MLPH: variants seen among roughly 807,000 people sequenced by gnomAD.
MLPH encodes exophilin-3.
Under a neutral mutation model 72.1 loss-of-function variants are expected in MLPH, and 51 were observed. That is an observed-to-expected ratio of 0.71 (90% CI 0.56 to 0.89). MLPH has a LOEUF of 0.89. MLPH is among the 40% of genes least tolerant of loss of function. MLPH has a pLI of 0.00. For synonymous variants in MLPH, 301 were observed against 310.1 expected (o/e 0.97, Z 0.31); for missense variants, 743 against 759.9 (o/e 0.98, Z 0.26).
At chr2:237,546,945 G>A (rs990166924) in intron 13 of MLPH, among the ~76,000 whole-genome samples, 2 of 152,204 alleles carry the variant, frequency 1.3e-5, no homozygotes, top group South Asian at 2.1e-4. Flanking sequence ...AAAGTGAGAC[G>A]GGAAAGGAAG....
intron 2 of MLPH, among the ~76,000 whole-genome samples, chr2:237,506,393 T>G (rs2106488143): frequency 6.6e-6 from 1 of 152,306 alleles, no homozygotes; most frequent in South Asian, 2.1e-4. Context: ...CAAGAACTCC[T>G]CAGACACCGA....
At chr2:237,509,763 C>A (rs914937862) in intron 2 of MLPH, among the ~76,000 whole-genome samples, 4 of 152,066 alleles carry the variant, frequency 2.6e-5, no homozygotes, top group Non-Finnish European at 4.4e-5. Context: ...GTGGCCTCCC[C>A]CTGCCTGGTG....
In MLPH at chr2:237,541,588, T is replaced by C. The variant is rs1444886851; in HGVS notation, c.1446+631T>C. On this transcript the variant is annotated intron_variant, in intron 11 of 15. Coordinates refer to ENST00000264605, the MANE Select transcript of MLPH (RefSeq NM_024101.7). This position sits in a 1 kb window ranked among gnomAD's most constrained non-coding sequence, Gnocchi z 5.1. ...TCACTCCCTAAGGACAAAGGGCACG[T>C]CCCCTAGAGCTGTTCAAGGGGAGCG... 3.3e-5 allele frequency among the ~76,000 whole-genome samples: 5 copies of C among 152,218 alleles called. No homozygotes were observed. The highest frequency in any genetic ancestry group is 7.3e-5 in the Non-Finnish European group (5 of 68,036).
Position 237,539,309 on chromosome 2 carries a change from TC to T in MLPH, c.1105-1036del, listed in dbSNP as rs532826191. On this transcript the variant is annotated intron_variant, in intron 9 of 15. Transcript: ENST00000264605. The stretch of plus-strand genomic sequence containing the variant: ...GCGAAGGTGGTGCAAGGCAGACCGA[TC>T]CCGGGGGCCTCGCGTAGGCAGAGCC... 1.5e-4 allele frequency among the ~76,000 whole-genome samples: 23 copies of T among 152,132 alleles called. No homozygotes were observed. In the South Asian group the frequency reaches 2.5e-3, roughly 16 times the overall value.
intron 8 of MLPH, among the ~76,000 whole-genome samples, chr2:237,530,914 T>C (rs915198485): frequency 4.6e-5 from 7 of 152,198 alleles, no homozygotes; most frequent in African/African-American, 7.2e-5. Flanking sequence ...CAGTCAAGCC[T>C]CCACCACCTG....
At position 237,552,284 on chromosome 2, in the gene MLPH, G is replaced by A. The variant is rs531800400; in HGVS notation, c.1676-53G>A. On this transcript the variant is annotated intron_variant, in intron 14 of 15. Transcript: ENST00000264605. The stretch of plus-strand genomic sequence containing the variant: ...TCTGAGGAGGCCAAGGCACTTGTTT[G>A]GGCTAAGTATGTGATTGATAAAGCA... 65 of 1,516,696 alleles carry A rather than the reference G, an allele frequency of 4.3e-5. No individual in the cohort carries two copies. The African/African-American group carries it at 8.8e-4, about 20-fold the overall frequency. 94.0% of individuals were successfully genotyped at this position (1,516,696 alleles called of 1,614,324 possible).
chr2:237,514,975 A>C (rs1373433604), intron 4 of MLPH, among the ~76,000 whole-genome samples: 3 of 152,194 alleles, frequency 2.0e-5, no homozygotes, highest in Non-Finnish European at 4.4e-5. Flanking sequence ...TGTGCTTGTC[A>C]CCTGATCTCA....
chr2:237,537,257 G>T (rs1006448208), intron 9 of MLPH, among the ~76,000 whole-genome samples: 4 of 152,234 alleles, frequency 2.6e-5, no homozygotes, highest in African/African-American at 9.6e-5. Context: ...GTGTATATGT[G>T]TGCATGTGTT....
rs1267231807 is a variant in MLPH at position 237,533,172 on chromosome 2, G to A, written c.1021-1392G>A. On this transcript the variant is annotated intron_variant, in intron 8 of 15. Transcript: ENST00000264605. ...CTAGTTTTGCAAACTGGAGCAAGGC[G>A]CCCACCCACGTTAGACTCTTCACCC... Among the ~76,000 whole-genome samples, 18 of 152,156 alleles carry A rather than the reference G, an allele frequency of 1.2e-4. No homozygotes were observed. In the South Asian group the frequency reaches 2.3e-3, roughly 19 times the overall value.
intron 14 of MLPH, 100 bp from the exon 15 acceptor site, chr2:237,552,237 A>AT (rs1205694719): frequency 1.7e-5 from 16 of 932,026 alleles, no homozygotes; most frequent in Non-Finnish European, 2.6e-5. Flanking sequence ...GGATATGTCC[A>AT]TTTTTTTCTA....
At chr2:237,525,379 G>T (rs372932685) in intron 6 of MLPH, among the ~76,000 whole-genome samples, 1 of 152,210 alleles carries the variant, frequency 6.6e-6, no homozygotes, top group Non-Finnish European at 1.5e-5. Context: ...ACAGACACAT[G>T]CAATAGGCAG....
chr2:237,549,480 T>G (rs865968388), intron 14 of MLPH, among the ~76,000 whole-genome samples: 7 of 152,322 alleles, frequency 4.6e-5, no homozygotes, highest in African/African-American at 1.4e-4. Flanking sequence ...AACTTGCTGC[T>G]TTAAGCGTGC....
rs544937172 is a variant in MLPH at position 237,509,489 on chromosome 2, G to A, written c.111-1085G>A. Among the ~76,000 whole-genome samples, 35 of 152,314 alleles carry A rather than the reference G, an allele frequency of 2.3e-4. No homozygotes were observed. In the South Asian group the frequency reaches 7.3e-3, roughly 32 times the overall value. On this transcript the variant is annotated intron_variant, in intron 2 of 15. Coordinates refer to ENST00000264605, the MANE Select transcript of MLPH (RefSeq NM_024101.7). ...AGAGCTGGCAAGGGTGGAAATGGAG[G>A]GAGTGAGGCCCTTCCCATCTGGCTC...
rs182364537 is a variant in MLPH, at chr2:237,507,945, G to A, written c.111-2629G>A. Among the ~76,000 whole-genome samples, 535 of 152,224 alleles carry A rather than the reference G, an allele frequency of 3.5e-3. 5 individuals are homozygous for A. Among genetic ancestry groups the A allele is most frequent in the African/African-American group, 0.012 (518 of 41,536 alleles). ...GAACAATTGCCCAATCCTTTTAATA[G>A]AAATATCTGTCACCTTCAACACGTG... On this transcript the variant is annotated intron_variant, in intron 2 of 15. Coordinates refer to ENST00000264605, the MANE Select transcript of MLPH (RefSeq NM_024101.7).
chr2:237,525,538 A>G, intron 6 of MLPH, 63 bp from the exon 7 acceptor site: 3 of 1,564,428 alleles, frequency 1.9e-6, no homozygotes, highest in Non-Finnish European at 1.8e-6. Flanking sequence ...AAAGACCCAC[A>G]TTCCAGGCAG....
intron 8 of MLPH, among the ~76,000 whole-genome samples, chr2:237,533,551 C>T (rs1329243603): frequency 2.0e-5 from 3 of 152,000 alleles, no homozygotes; most frequent in Non-Finnish European, 4.4e-5. Flanking sequence ...GAGCCACCAC[C>T]CCTGGCTAAT....
chr2:237,542,734 G>GGA (rs2080726830), intron 12 of MLPH, 75 bp downstream of exon 12: 2 of 928,500 alleles, frequency 2.2e-6, no homozygotes, highest in African/African-American at 2.9e-5. Context: ...AGTGGTGAGT[G>GGA]GGGGACAGTG....
In MLPH at chr2:237,511,042, T is replaced by G. The variant is rs1233744785; in HGVS notation, c.386T>G (p.Phe129Cys). ...TACTATGAGCATGTGAAAGCCCGCT[T>G]CAAGAGGTTCGGAAGTGCCAAGGTC... ...EWYYEHVKARFKRFGSAKVIR... is the reference protein window; with the variant it reads ...EWYYEHVKARCKRFGSAKVIR... Residue 129 changes from phenylalanine to cysteine, a missense_variant, in exon 4 of 16, where the codon TTC (phenylalanine) becomes TGC (cysteine). Coordinates refer to ENST00000264605, the MANE Select transcript of MLPH (RefSeq NM_024101.7). 1 of 1,613,948 alleles carries G rather than the reference T, an allele frequency of 6.2e-7. No homozygotes were observed. Among genetic ancestry groups the G allele is most frequent in the Non-Finnish European group, 8.5e-7 (1 of 1,179,980 alleles).
At chr2:237,533,971 A>C (rs2080478936) in intron 8 of MLPH, among the ~76,000 whole-genome samples, 1 of 152,234 alleles carries the variant, frequency 6.6e-6, no homozygotes, top group Non-Finnish European at 1.5e-5. Context: ...AGATAATGGC[A>C]GGAAAGATGC....
Sources: gnomAD v4.1 joint callset for allele counts (sites outside exome capture counted in the v4.1 genomes callset) on GRCh38, gnomAD v4.1.1 for gene constraint, Gnocchi (gnomAD v3.1) non-coding constraint, MANE v1.5 for transcripts, NCBI Gene and HGNC (gene_info 2026-07-23, HGNC 2026-07-21) for gene names.